Variants in DOCK6 observed in about 807,000 individuals in gnomAD.
DOCK6 encodes the protein dedicator of cytokinesis 6.
DOCK6 carries 167 observed loss-of-function variants against 230.3 expected under a neutral mutation model. The observed-to-expected ratio is 0.73, with a 90% CI of 0.64 to 0.82. DOCK6 has a LOEUF of 0.82. DOCK6 is among the 40% of genes least tolerant of loss of function. The pLI is 0.00. For missense variants in DOCK6, 2,598 were observed against 2,825.8 expected, an observed-to-expected ratio of 0.92 and a Z score of 1.83; for synonymous variants, 1,148 against 1,185.0, an observed-to-expected ratio of 0.97 and a Z score of 0.64.
intron 14 of DOCK6, among the ~76,000 whole-genome samples, chr19:11,240,730 A>T (rs570962653): frequency 1.2e-4 from 18 of 151,682 alleles, no homozygotes; most frequent in Non-Finnish European, 2.4e-4. Context: ...CAGGTGCACC[A>T]GCTAATTTTT....
chr19:11,248,192 G>A (rs1470791848), intron 6 of DOCK6, 41 bp from the exon 7 acceptor site: 1 of 1,478,844 alleles, frequency 6.8e-7, no homozygotes, highest in Non-Finnish European at 9.3e-7. Flanking sequence ...GGAGGAGCTG[G>A]GACATCCTCC....
chr19:11,236,436 T>A lies in DOCK6; in HGVS notation c.2302A>T (p.Ser768Cys). 1 of 1,590,292 alleles carries A rather than the reference T, an allele frequency of 6.3e-7. No homozygotes were observed. Among genetic ancestry groups the A allele is most frequent in the South Asian group, 1.1e-5 (1 of 87,098 alleles). The change falls in exon 20 of 48, where the codon AGC becomes TGC. Residue 768 changes from serine (S) to cysteine (C), a missense_variant. Transcript: ENST00000294618. This position sits in a 1 kb window ranked among gnomAD's most constrained non-coding sequence, Gnocchi z 5.2. ...RASLAALRLA[S>C]PEPLVAFSHH... ...GAGAAGGCCACAAGGGGTTCGGGGC[T>A]GGCCAGGCGCAGTGCTGCAAGACTG...
intron 30 of DOCK6, 187 bp from the exon 31 acceptor site, chr19:11,216,114 GTCTC>G (rs1212231534): frequency 3.7e-6 from 2 of 547,208 alleles, no homozygotes; most frequent in Non-Finnish European, 6.0e-6. Context: ...TTGAAACAGA[GTCTC>G]TCTCATTCTG....
chr19:11,236,252 A>G lies in DOCK6; in HGVS notation c.2392+94T>C, dbSNP rs1298585323. 1.7e-6 allele frequency: 2 copies of G among 1,196,180 alleles called. No homozygotes were observed. The highest frequency in any genetic ancestry group is 2.3e-6 in the Non-Finnish European group (2 of 863,524). The allele number at this position is 1,196,180 out of a possible 1,614,324, so 74.1% of individuals were successfully genotyped here. A position where few individuals can be genotyped will look rare whatever the true frequency, so the allele number is the denominator to read the frequency against. On this transcript the variant is annotated intron_variant, in intron 20 of 47. Transcript: ENST00000294618. The surrounding 1 kb of genome is among the most constrained non-coding windows in gnomAD (Gnocchi z 5.2). ...TTTTTCAGATGAGAAAAATGGCCAGAGAGGTAAATGGGCTTATAGAAGATC... is the reference window on the plus strand; with the variant it reads ...TTTTTCAGATGAGAAAAATGGCCAGGGAGGTAAATGGGCTTATAGAAGATC...
Position 11,222,257 on chromosome 19 carries a change from T to G in DOCK6, c.3241-9A>C, listed in dbSNP as rs192982299. ...CTGGAGAAGGTGGAGCTCTGCAGAGTGGGGGAAAAATGGGGGATGCCAGCG... is the reference window on the plus strand; with the variant it reads ...CTGGAGAAGGTGGAGCTCTGCAGAGGGGGGGAAAAATGGGGGATGCCAGCG... On this transcript the variant is annotated splice_polypyrimidine_tract_variant and intron_variant, in intron 26 of 47. Transcript: ENST00000294618. This position sits in a 1 kb window ranked among gnomAD's most constrained non-coding sequence, Gnocchi z 4.0. The G allele has an allele frequency of 6.3e-7, 1 of 1,590,374 alleles. No homozygotes were observed. The highest frequency in any genetic ancestry group is 1.1e-5 in the South Asian group (1 of 87,564).
intron 7 of DOCK6, among the ~76,000 whole-genome samples, chr19:11,247,099 A>G (rs1345966908): frequency 6.6e-6 from 1 of 152,078 alleles, no homozygotes; most frequent in Non-Finnish European, 1.5e-5. Context: ...TAGGGACTTC[A>G]TAAATGTTTT....
At chr19:11,212,561 C>CTT (rs1363586266) in intron 35 of DOCK6, among the ~76,000 whole-genome samples, 30 of 100,092 alleles carry the variant, frequency 3.0e-4, no homozygotes, top group African/African-American at 9.0e-4. Context: ...TTCTTTCTTT[C>CTT]TTTCTTTTTT....
intron 14 of DOCK6, among the ~76,000 whole-genome samples, chr19:11,240,520 G>C (rs1195593534): frequency 6.6e-6 from 1 of 152,076 alleles, no homozygotes; most frequent in Admixed American, 6.6e-5. Context: ...AGTAGGGCCA[G>C]GTACTCAATG....
chr19:11,226,316 A>C (rs2079662979), intron 24 of DOCK6, among the ~76,000 whole-genome samples: 1 of 152,194 alleles, frequency 6.6e-6, no homozygotes, highest in South Asian at 2.1e-4. Context: ...CATCAGTAAA[A>C]TGGAGATAAC....
chr19:11,199,619 C>T, intron 47 of DOCK6, 80 bp from the exon 48 acceptor site: 3 of 1,421,530 alleles, frequency 2.1e-6, no homozygotes, highest in African/African-American at 1.4e-5. Flanking sequence ...TCCTCTTCCT[C>T]CTCCTCCTCG....
At chr19:11,212,192 G>C in intron 35 of DOCK6, 41 bp from the exon 36 acceptor site, 1 of 1,584,436 alleles carries the variant, frequency 6.3e-7, no homozygotes, top group Non-Finnish European at 8.5e-7. Context: ...GGGAGTCTCA[G>C]ACCCCAGACC....
At chr19:11,225,169 G>A (rs574219822) in intron 24 of DOCK6, among the ~76,000 whole-genome samples, 10 of 152,030 alleles carry the variant, frequency 6.6e-5, no homozygotes, top group Non-Finnish European at 2.9e-5. Flanking sequence ...CGGAGGTTGC[G>A]GTGAGCCGAG....
chr19:11,242,245 C>A (rs770130977), intron 13 of DOCK6, 38 bp from the exon 14 acceptor site: 5 of 1,412,518 alleles, frequency 3.5e-6, no homozygotes, highest in Non-Finnish European at 4.6e-6. Flanking sequence ...TGCCTGGGAG[C>A]CTCCTGGCTC....
rs778793476 is a variant in DOCK6, at chr19:11,243,621, G to T, written c.1194C>A (p.Ala398=). The change falls in exon 11 of 48, where the codon GCC becomes GCA. Residue 398 remains alanine, a synonymous_variant. Transcript: ENST00000294618. The surrounding 1 kb of genome is among the most constrained non-coding windows in gnomAD (Gnocchi z 6.3). ...TGCTCACGATGTTGGCCAAGTGCAC[G>T]GCCGTCCAGGCGAAGGGCATGCGGT... ...GRYRMPFAWT[A]VHLANIVSSA... The T allele has an allele frequency of 1.2e-6, 2 of 1,611,936 alleles. No individual in the cohort carries two copies. Among genetic ancestry groups the T allele is most frequent in the East Asian group, 2.2e-5 (1 of 44,824 alleles).
chr19:11,240,170 C>T (rs751720038), intron 14 of DOCK6: 10 of 1,552,540 alleles, frequency 6.4e-6, no homozygotes, highest in African/African-American at 1.4e-5. Flanking sequence ...AGGCAGAGGC[C>T]ACAGCTGAGG....
At chr19:11,212,687 C>CAA (rs1228829813) in intron 35 of DOCK6, among the ~76,000 whole-genome samples, 1 of 151,128 alleles carries the variant, frequency 6.6e-6, no homozygotes, top group Non-Finnish European at 1.5e-5. Context: ...CTCAGCCTTC[C>CAA]AAGTAGCTGG....
In DOCK6 at chr19:11,214,098, T is replaced by G. The variant is rs114271465; in HGVS notation, c.4338+177A>C. 6.4e-4 allele frequency among the ~76,000 whole-genome samples: 97 copies of G among 152,144 alleles called. 1 individual carries two copies. The highest frequency in any genetic ancestry group is 2.3e-3 in the African/African-American group (95 of 41,494). On this transcript the variant is annotated intron_variant, in intron 34 of 47. Coordinates refer to ENST00000294618, the MANE Select transcript of DOCK6 (RefSeq NM_020812.4). ...GTGCCTAGTCCTAGCTAATTTTTAA[T>G]TTTTTTGTAGAGACAGGGGCCTCAC...
At position 11,262,458 on chromosome 19, in the gene DOCK6, G is replaced by A; in HGVS notation, c.-18C>T. Reference sequence around the variant, plus strand: ...GCAGCCATGGTCCTCGCGTCCCGCCGCCGCCGCCCCGGGCCCCGGCCCCGC... The same window carrying A: ...GCAGCCATGGTCCTCGCGTCCCGCCACCGCCGCCCCGGGCCCCGGCCCCGC... On this transcript the variant is annotated 5_prime_UTR_variant, in exon 1 of 48. Transcript: ENST00000294618. 8.5e-7 allele frequency: 1 copy of A among 1,176,634 alleles called. No homozygotes were observed. Among genetic ancestry groups the A allele is most frequent in the Non-Finnish European group, 1.0e-6 (1 of 953,984 alleles). 72.9% of individuals were successfully genotyped at this position (1,176,634 alleles called of 1,614,324 possible).
Position 11,222,759 on chromosome 19 carries a change from G to A in DOCK6, c.3216C>T (p.Pro1072=), listed in dbSNP as rs536185051. The A allele has an allele frequency of 3.2e-6, 5 of 1,578,390 alleles. No homozygotes were observed. The East Asian group carries it at 9.2e-5, about 29-fold the overall frequency. The part of the protein sequence containing the change: ...CPLSPPASPS[P]SVSSTTSQSS... ...CCTGGGAGGTGGTGGAGGACACAGAGGGGGAGGGCGAGGCTGGAGGTGACA... is the reference window on the plus strand; with the variant it reads ...CCTGGGAGGTGGTGGAGGACACAGAAGGGGAGGGCGAGGCTGGAGGTGACA... Residue 1072 remains proline, a synonymous_variant, in exon 26 of 48, where the codon CCC becomes CCT. Transcript: ENST00000294618. The surrounding 1 kb of genome is among the most constrained non-coding windows in gnomAD (Gnocchi z 4.0).
Sources: allele counts gnomAD v4.1 joint callset (sites outside exome capture counted in the v4.1 genomes callset), GRCh38; gene constraint gnomAD v4.1.1; non-coding constraint Gnocchi (gnomAD v3.1); transcripts MANE v1.5; gene names NCBI Gene and HGNC (gene_info 2026-07-23, HGNC 2026-07-21).